Variants in CORO2B observed in about 807,000 individuals in gnomAD.
CORO2B encodes coronin 2B, also known as coronin-2B.
A neutral mutation model predicts 58.8 loss-of-function variants in CORO2B; 26 were observed. That is an observed-to-expected ratio of 0.44 (90% confidence interval 0.32 to 0.61). The LOEUF (loss-of-function observed/expected upper bound fraction) is 0.61, where lower values mean the gene tolerates loss of function less well. Among genes scored for constraint, CORO2B ranks in the 20% least tolerant of loss-of-function variants. CORO2B has a pLI of 0.04. For missense variants in CORO2B, 460 were observed against 645.1 expected (o/e 0.71, Z 3.11); for synonymous variants, 242 against 253.8 (o/e 0.95, Z 0.44).
At chr15:68,632,558 C>A (rs1273641320) in intron 1 of CORO2B, among the ~76,000 whole-genome samples, 1 of 152,106 alleles carries the variant, frequency 6.6e-6, no homozygotes, top group African/African-American at 2.4e-5. Flanking sequence ...TCCGAACTCT[C>A]CCTGGATAAT....
rs370408788 is a variant in CORO2B, at chr15:68,686,104, C to A, written c.217-9036C>A. On this transcript the variant is annotated intron_variant, in intron 2 of 11. Transcript: ENST00000261861. ...CCAGGCTGGAGTGCAATGGCGCAAC[C>A]TTGGCTCATTGCAACCTTCACCTCC... Among the ~76,000 whole-genome samples the A allele has an allele frequency of 1.4e-4, 21 of 144,918 alleles. 1 individual carries two copies. In the South Asian group the frequency reaches 2.6e-3, roughly 18 times the overall value.
At chr15:68,533,387 A>T in the CORO2B span, among the ~76,000 whole-genome samples, 1 of 152,206 alleles carries the variant, frequency 6.6e-6, no homozygotes, top group Non-Finnish European at 1.5e-5. Context: ...GGGAGCAGAG[A>T]TGGATTAAAA....
At chr15:68,722,005 C>T (rs1440225703) in intron 11 of CORO2B, among the ~76,000 whole-genome samples, 1 of 152,146 alleles carries the variant, frequency 6.6e-6, no homozygotes, top group Non-Finnish European at 1.5e-5. Flanking sequence ...CTCCCACTTT[C>T]GCCTCCCAAT....
intron 2 of CORO2B, among the ~76,000 whole-genome samples, chr15:68,679,584 C>T (rs1457458889): frequency 2.6e-5 from 4 of 152,202 alleles, no homozygotes; most frequent in East Asian, 1.9e-4. Flanking sequence ...TGCCAGGCCC[C>T]GTGCCCAGTG....
At chr15:68,660,937 A>G (rs1901993674) in intron 2 of CORO2B, among the ~76,000 whole-genome samples, 1 of 149,678 alleles carries the variant, frequency 6.7e-6, no homozygotes, top group South Asian at 2.1e-4. Flanking sequence ...AGTGTTGACA[A>G]TCTTTTCCAT....
intron 2 of CORO2B, among the ~76,000 whole-genome samples, chr15:68,650,783 A>G (rs1901616875): frequency 6.6e-6 from 1 of 152,148 alleles, no homozygotes; most frequent in African/African-American, 2.4e-5. Context: ...TGTACTTTCG[A>G]AAAAATAGAG....
chr15:68,718,653 C>T (rs567208499), intron 8 of CORO2B, 45 bp from the exon 9 acceptor site: 48 of 1,498,940 alleles, frequency 3.2e-5, no homozygotes, highest in East Asian at 2.7e-4. Context: ...GTCACTGAGA[C>T]GCAGTTTCTG....
chr15:68,555,233 T>A, the CORO2B span, among the ~76,000 whole-genome samples: 1 of 152,222 alleles, frequency 6.6e-6, no homozygotes. Flanking sequence ...GATGGAGGCA[T>A]GGCCCTGCCG....
At chr15:68,675,916 C>T (rs554521332) in intron 2 of CORO2B, among the ~76,000 whole-genome samples, 16 of 151,858 alleles carry the variant, frequency 1.1e-4, no homozygotes, top group Admixed American at 1.3e-4. Context: ...GCGGAGGAGA[C>T]AGATAATAAA....
chr15:68,660,591 G>A (rs931597332), intron 2 of CORO2B, among the ~76,000 whole-genome samples: 1 of 152,024 alleles, frequency 6.6e-6, no homozygotes, highest in African/African-American at 2.4e-5. Context: ...GGCTGGTCTT[G>A]AACTCCTAGG....
intron 1 of CORO2B, among the ~76,000 whole-genome samples, chr15:68,634,024 C>A (rs1900946785): frequency 2.0e-5 from 3 of 152,272 alleles, no homozygotes. Context: ...GGCAGGGAGC[C>A]TCGGCAGTGG....
intron 1 of CORO2B, among the ~76,000 whole-genome samples, chr15:68,619,681 A>G (rs750687842): frequency 1.3e-4 from 20 of 152,044 alleles, no homozygotes; most frequent in Non-Finnish European, 2.1e-4. Flanking sequence ...GTGTGTGTGT[A>G]TATATATATG....
At chr15:68,586,222 A>T (rs997116717) in intron 1 of CORO2B, among the ~76,000 whole-genome samples, 2 of 152,198 alleles carry the variant, frequency 1.3e-5, no homozygotes, top group African/African-American at 4.8e-5. Context: ...GAGCCGATCC[A>T]TGTGAAGCAC....
chr15:68,519,286 G>A, the CORO2B span, among the ~76,000 whole-genome samples: 1 of 152,170 alleles, frequency 6.6e-6, no homozygotes, highest in African/African-American at 2.4e-5. Flanking sequence ...AGCATGTGTG[G>A]TTGGCTGAAG....
At chr15:68,646,247 G>A (rs1282347633) in intron 2 of CORO2B, among the ~76,000 whole-genome samples, 1 of 152,162 alleles carries the variant, frequency 6.6e-6, no homozygotes, top group Non-Finnish European at 1.5e-5. Context: ...AGCCACTCAG[G>A]CGGAGTCCCC....
At chr15:68,671,400 C>T (rs1276430241) in intron 2 of CORO2B, among the ~76,000 whole-genome samples, 1 of 152,198 alleles carries the variant, frequency 6.6e-6, no homozygotes, top group Non-Finnish European at 1.5e-5. Context: ...AAGCCTCACC[C>T]ACATGGCTTA....
At chr15:68,591,291 C>T (rs530468775) in intron 1 of CORO2B, among the ~76,000 whole-genome samples, 2 of 152,278 alleles carry the variant, frequency 1.3e-5, no homozygotes, top group Admixed American at 1.3e-4. Flanking sequence ...GATGAAGAGG[C>T]AGGAAAGGCA....
chr15:68,530,568 TCTC>T, the CORO2B span, among the ~76,000 whole-genome samples: 1 of 152,150 alleles, frequency 6.6e-6, no homozygotes, highest in Non-Finnish European at 1.5e-5. Flanking sequence ...GGTATGGAAA[TCTC>T]CAACAATAAT....
Position 68,675,225 on chromosome 15 carries a change from C to T in CORO2B, c.217-19915C>T, listed in dbSNP as rs144881558. ...TTGGAATGTTTGTACCCCGCTTCAGCATGCTCTGGAATTCCCCTTGCGGCA... is the reference window on the plus strand; with the variant it reads ...TTGGAATGTTTGTACCCCGCTTCAGTATGCTCTGGAATTCCCCTTGCGGCA... On this transcript the variant is annotated intron_variant, in intron 2 of 11. Coordinates refer to ENST00000261861, the MANE Select transcript of CORO2B (RefSeq NM_006091.5). Among the ~76,000 whole-genome samples the T allele has an allele frequency of 3.3e-3, 499 of 152,342 alleles. 6 individuals are homozygous for T. The highest frequency in any genetic ancestry group is 0.011 in the African/African-American group (464 of 41,580).
Sources: gnomAD v4.1 joint callset for allele counts (sites outside exome capture counted in the v4.1 genomes callset) on GRCh38, gnomAD v4.1.1 for gene constraint, MANE v1.5 for transcripts, NCBI Gene and HGNC (gene_info 2026-07-23, HGNC 2026-07-21) for gene names.